The following SH3BP5 variants were observed in gnomAD, a reference collection of about 807,000 sequenced individuals.
SH3BP5 encodes SH3 domain binding protein 5.
SH3BP5 carries 22 observed loss-of-function variants against 43.3 expected under a neutral mutation model. The observed-to-expected ratio is 0.51, with a 90% CI of 0.36 to 0.73. The LOEUF is 0.73. Ranked by LOEUF, SH3BP5 falls within the 30% of genes least tolerant of loss-of-function variation. The pLI, the probability that SH3BP5 is intolerant of heterozygous loss-of-function variation, is 0.00. For synonymous variants in SH3BP5, 255 were observed against 225.8 expected (o/e 1.13, Z -1.16); for missense variants, 529 against 586.9 (o/e 0.90, Z 1.02).
chr3:15,284,013 A>T (rs1388704158), intron 3 of SH3BP5, among the ~76,000 whole-genome samples: 1 of 152,204 alleles, frequency 6.6e-6, no homozygotes. Flanking sequence ...ACTGGGACTC[A>T]TACCCAGGTC....
chr3:15,303,192 C>T, intron 3 of SH3BP5, among the ~76,000 whole-genome samples: 1 of 152,206 alleles, frequency 6.6e-6, no homozygotes, highest in South Asian at 2.1e-4. Flanking sequence ...ACAGGGACAG[C>T]ACTGGGTCAT....
intron 2 of SH3BP5, among the ~76,000 whole-genome samples, chr3:15,320,638 A>G (rs74701622): frequency 1.4e-4 from 20 of 141,886 alleles, no homozygotes; most frequent in African/African-American, 5.2e-4. Context: ...ACACACACAC[A>G]CACCCCACTA....
chr3:15,304,707 C>T (rs1031189515), intron 2 of SH3BP5, among the ~76,000 whole-genome samples: 45 of 150,874 alleles, frequency 3.0e-4, no homozygotes, highest in Middle Eastern at 6.8e-3. Flanking sequence ...CCCAGCCACT[C>T]AGGAGGCTGG....
At chr3:15,306,751 C>T (rs879325163) in intron 2 of SH3BP5, among the ~76,000 whole-genome samples, 5 of 152,154 alleles carry the variant, frequency 3.3e-5, no homozygotes, top group Admixed American at 3.3e-4. Context: ...TCACTGTAAC[C>T]TCTGCCTCCC....
chr3:15,262,872 C>T (rs1696500643), intron 4 of SH3BP5, among the ~76,000 whole-genome samples: 1 of 151,868 alleles, frequency 6.6e-6, no homozygotes, highest in Non-Finnish European at 1.5e-5. Context: ...GCAGGAGAAT[C>T]ACCTGAACCC....
chr3:15,293,539 G>A (rs1218874519), intron 3 of SH3BP5, among the ~76,000 whole-genome samples: 1 of 152,248 alleles, frequency 6.6e-6, no homozygotes, highest in Non-Finnish European at 1.5e-5. Context: ...GAAGAGGCAG[G>A]GGTGTGCAGG....
intron 4 of SH3BP5, 121 bp from the exon 5 acceptor site, chr3:15,262,410 A>G (rs1312723927): frequency 1.6e-5 from 21 of 1,289,990 alleles, no homozygotes; most frequent in Admixed American, 2.5e-5. Flanking sequence ...GTGTAATCCC[A>G]GCACTTTGGG....
At chr3:15,340,519 C>A (rs115285952) in intron 1 of SH3BP5, among the ~76,000 whole-genome samples, 10 of 152,126 alleles carry the variant, frequency 6.6e-5, no homozygotes, top group Non-Finnish European at 1.2e-4. Flanking sequence ...GTAATCCCAA[C>A]ACTTTGGGAT....
intron 3 of SH3BP5, among the ~76,000 whole-genome samples, chr3:15,277,631 A>T (rs1697009061): frequency 1.3e-5 from 2 of 152,120 alleles, no homozygotes; most frequent in African/African-American, 4.8e-5. Context: ...CTTGGACCCC[A>T]TTCACAGGGG....
intron 5 of SH3BP5, among the ~76,000 whole-genome samples, chr3:15,261,358 C>T (rs1273398112): frequency 1.3e-5 from 2 of 152,158 alleles, no homozygotes; most frequent in African/African-American, 2.4e-5. Context: ...CCTAGGAGGA[C>T]CAAACTCTTC....
At position 15,257,067 on chromosome 3, in the gene SH3BP5, A is replaced by G. The variant is rs1696234644; in HGVS notation, c.936T>C (p.Ser312=). ...CGGACTGGGTTTCCGAGTCATCTTC[A>G]GACACAAAGTTGCTACAGCTGTCAT... The part of the protein sequence containing the change: ...FEDDSCSNFV[S]EDDSETQSVS... The change falls in exon 8 of 9, where the codon TCT becomes TCC. Residue 312 remains serine (S), a synonymous_variant. Coordinates refer to ENST00000383791, the MANE Select transcript of SH3BP5 (RefSeq NM_004844.5). 2.3e-5 allele frequency: 37 copies of G among 1,614,210 alleles called. No individual in the cohort carries two copies. The highest frequency in any genetic ancestry group is 3.1e-5 in the Non-Finnish European group (36 of 1,180,036).
At chr3:15,258,489 G>GTAA (rs1200314304) in intron 7 of SH3BP5, 5 of 324,516 alleles carry the variant, frequency 1.5e-5, no homozygotes, top group African/African-American at 1.1e-4. Flanking sequence ...TCATGCCTTA[G>GTAA]TAATGATGTA....
chr3:15,259,738 A>T (rs1256711031), intron 6 of SH3BP5, 23 bp downstream of exon 6: 2 of 1,612,948 alleles, frequency 1.2e-6, no homozygotes, highest in Non-Finnish European at 1.7e-6. Flanking sequence ...CTCATCAGTG[A>T]CGAAGCCCAA....
chr3:15,307,157 T>G (rs1361707536), intron 2 of SH3BP5, among the ~76,000 whole-genome samples: 1 of 152,198 alleles, frequency 6.6e-6, no homozygotes, highest in Non-Finnish European at 1.5e-5. Flanking sequence ...CTCCCGAGCC[T>G]GGATCCCATG....
intron 2 of SH3BP5, among the ~76,000 whole-genome samples, chr3:15,314,040 T>C (rs751765010): frequency 3.3e-5 from 5 of 151,998 alleles, no homozygotes; most frequent in Non-Finnish European, 7.4e-5. Flanking sequence ...CGGTCAAGGC[T>C]GCAGTGAGCC....
intron 3 of SH3BP5, among the ~76,000 whole-genome samples, 159 bp downstream of exon 3, chr3:15,303,944 G>A (rs1383426158): frequency 6.6e-6 from 1 of 152,184 alleles, no homozygotes; most frequent in Non-Finnish European, 1.5e-5. Flanking sequence ...ATAGTGTCGA[G>A]CACTGGAATG....
At chr3:15,263,264 C>T (rs970106196) in intron 4 of SH3BP5, among the ~76,000 whole-genome samples, 2 of 152,280 alleles carry the variant, frequency 1.3e-5, no homozygotes, top group South Asian at 4.1e-4. Context: ...GGGGCAGGGG[C>T]CTGATGGGCA....
chr3:15,300,933 G>A lies in SH3BP5; in HGVS notation c.330+3170C>T, dbSNP rs78915303. 2.4e-3 allele frequency among the ~76,000 whole-genome samples: 368 copies of A among 152,204 alleles called. 2 individuals are homozygous for A. Among genetic ancestry groups the A allele is most frequent in the African/African-American group, 8.3e-3 (345 of 41,498 alleles). The stretch of plus-strand genomic sequence containing the variant: ...GACCTGGGCATCATCTGATTCGACC[G>A]ATGACTCAGTGCCTTGCCCACAGGA... On this transcript the variant is annotated intron_variant, in intron 3 of 8. Coordinates refer to ENST00000383791, the MANE Select transcript of SH3BP5 (RefSeq NM_004844.5).
upstream of SH3BP5, among the ~76,000 whole-genome samples, chr3:15,336,962 A>G (rs572067475): frequency 6.6e-6 from 1 of 151,850 alleles, no homozygotes; most frequent in African/African-American, 2.4e-5. Context: ...CATAATCCCA[A>G]CCCTGGTTCA....
Sources: allele counts gnomAD v4.1 joint callset (sites outside exome capture counted in the v4.1 genomes callset), GRCh38; gene constraint gnomAD v4.1.1; transcripts MANE v1.5; gene names NCBI Gene and HGNC (gene_info 2026-07-23, HGNC 2026-07-21).